Variants in TMC1 observed in about 807,000 individuals in gnomAD.
The protein encoded by TMC1 is transmembrane channel like 1.
In TMC1, 84 loss-of-function variants were observed where a neutral mutation model predicts 105.8. The observed-to-expected ratio is 0.79, with a 90% CI of 0.67 to 0.95. The LOEUF (loss-of-function observed/expected upper bound fraction) is 0.95. Ranked by LOEUF, TMC1 falls within the 40% of genes least tolerant of loss-of-function variation. The pLI is 0.00. For synonymous variants in TMC1, 315 were observed against 311.5 expected, an observed-to-expected ratio of 1.01 and a Z score of -0.12; for missense variants, 817 against 914.1, an observed-to-expected ratio of 0.89 and a Z score of 1.37.
At chr9:72,640,120 T>C (rs1050149273) in intron 4 of TMC1, among the ~76,000 whole-genome samples, 1 of 152,238 alleles carries the variant, frequency 6.6e-6, no homozygotes, top group South Asian at 2.1e-4. Context: ...GGTAATGTCT[T>C]TGTGACTGTC....
intron 2 of TMC1, among the ~76,000 whole-genome samples, chr9:72,583,251 C>T (rs1824501363): frequency 6.6e-6 from 1 of 151,742 alleles, no homozygotes. Context: ...AAAAACAACC[C>T]CTTCCCCTCC....
At chr9:72,623,462 T>G (rs1825292558) in intron 3 of TMC1, among the ~76,000 whole-genome samples, 1 of 152,150 alleles carries the variant, frequency 6.6e-6, no homozygotes, top group Non-Finnish European at 1.5e-5. Flanking sequence ...AATTTCAGCT[T>G]CCAGGTCAGT....
At chr9:72,742,359 G>A in intron 9 of TMC1, 85 bp from the exon 10 acceptor site, 1 of 1,023,914 alleles carries the variant, frequency 9.8e-7, no homozygotes, top group African/African-American at 1.6e-5. Flanking sequence ...CAAGCTTACT[G>A]CATTGTAATG....
At chr9:72,550,900 G>C (rs12349456) in intron 1 of TMC1, among the ~76,000 whole-genome samples, 10,786 of 152,194 alleles carry the variant, frequency 0.071, 452 homozygotes, top group Middle Eastern at 0.099. Flanking sequence ...TGGATTATCT[G>C]TGTGGGTTTA....
intron 20 of TMC1, among the ~76,000 whole-genome samples, chr9:72,825,781 T>C (rs372132988): frequency 3.9e-5 from 6 of 152,180 alleles, no homozygotes; most frequent in Non-Finnish European, 8.8e-5. Context: ...TATAATCTTA[T>C]ATTGCTTGTA....
intron 2 of TMC1, among the ~76,000 whole-genome samples, chr9:72,587,859 C>G (rs1824579197): frequency 6.6e-6 from 1 of 151,338 alleles, no homozygotes; most frequent in Non-Finnish European, 1.5e-5. Flanking sequence ...CATCTCGGCT[C>G]ACTGCAACCT....
intron 1 of TMC1, among the ~76,000 whole-genome samples, chr9:72,543,957 T>TTC (rs1823722498): frequency 6.7e-6 from 1 of 148,276 alleles, no homozygotes; most frequent in Non-Finnish European, 1.5e-5. Flanking sequence ...TCTTTCTTTT[T>TTC]TTTTTTTTTT....
At chr9:72,654,069 T>C (rs1825851248) in intron 5 of TMC1, among the ~76,000 whole-genome samples, 1 of 152,216 alleles carries the variant, frequency 6.6e-6, no homozygotes, top group South Asian at 2.1e-4. Context: ...TATTTGGGGC[T>C]GTTATGAATA....
chr9:72,796,493 A>T (rs938215094), intron 17 of TMC1, among the ~76,000 whole-genome samples: 5 of 152,192 alleles, frequency 3.3e-5, no homozygotes, highest in African/African-American at 1.2e-4. Flanking sequence ...TGCAAACCGA[A>T]TTCAGCAGCA....
intron 13 of TMC1, among the ~76,000 whole-genome samples, chr9:72,781,058 A>G (rs1828087467): frequency 6.6e-6 from 1 of 152,230 alleles, no homozygotes; most frequent in Non-Finnish European, 1.5e-5. Flanking sequence ...AATCAACCAC[A>G]TGCTCACTCA....
chr9:72,668,229 A>G (rs886978883), intron 5 of TMC1, among the ~76,000 whole-genome samples: 2 of 152,160 alleles, frequency 1.3e-5, no homozygotes, highest in Non-Finnish European at 2.9e-5. Context: ...CATTCCTATG[A>G]TGTTATTTGT....
At chr9:72,798,968 T>C (rs1828422350) in intron 17 of TMC1, among the ~76,000 whole-genome samples, 4 of 152,260 alleles carry the variant, frequency 2.6e-5, no homozygotes, top group African/African-American at 9.6e-5. Context: ...ATGATGATTT[T>C]GTAAATAACC....
intron 2 of TMC1, among the ~76,000 whole-genome samples, chr9:72,589,312 A>G (rs575728180): frequency 2.0e-5 from 3 of 152,360 alleles, no homozygotes; most frequent in Admixed American, 6.5e-5. Flanking sequence ...AATGTCTATT[A>G]AATACATTGT....
At chr9:72,807,135 C>A (rs1232040255) in intron 18 of TMC1, among the ~76,000 whole-genome samples, 1 of 152,150 alleles carries the variant, frequency 6.6e-6, no homozygotes, top group Non-Finnish European at 1.5e-5. Flanking sequence ...AGCCTGCAAT[C>A]GCAGGCACTC....
rs2117867625 is a variant in TMC1, at chr9:72,700,636, G to A, written c.355G>A (p.Val119Ile). Residue 119 changes from valine to isoleucine, a missense_variant, in exon 8 of 24, where the codon GTT (valine) becomes ATT (isoleucine). Transcript: ENST00000297784. ...ATGGAAGATGGAGAAGAAAATTGAAGTTCTCAAGTATGGTGCCACTTTTTA... is the reference window on the plus strand; with the variant it reads ...ATGGAAGATGGAGAAGAAAATTGAAATTCTCAAGTATGGTGCCACTTTTTA... ...KPWKMEKKIE[V>I]LKEAKKFVSE... The A allele has an allele frequency of 6.3e-7, 1 of 1,590,606 alleles. No individual in the cohort carries two copies.
At chr9:72,564,372 C>G (rs1824111042) in intron 1 of TMC1, among the ~76,000 whole-genome samples, 1 of 152,180 alleles carries the variant, frequency 6.6e-6, no homozygotes, top group Admixed American at 6.5e-5. Flanking sequence ...TCTAATATTA[C>G]TTGAAACTTT....
At chr9:72,721,461 A>G (rs1827024880) in intron 8 of TMC1, among the ~76,000 whole-genome samples, 1 of 152,198 alleles carries the variant, frequency 6.6e-6, no homozygotes. Context: ...GCCTTGAGTT[A>G]CTTTTCACCT....
At position 72,792,172 on chromosome 9, in the gene TMC1, C is replaced by A. The variant is rs1249049210; in HGVS notation, c.1405-19C>A. The A allele has an allele frequency of 5.0e-6, 8 of 1,613,950 alleles. No homozygotes were observed. Among genetic ancestry groups the A allele is most frequent in the South Asian group, 1.1e-5 (1 of 91,086 alleles). ...ATCTCTGTTGTCTTCATTTTAGTTT[C>A]TATCTCTTTGCTTTCTAGATTGAAG... On this transcript the variant is annotated intron_variant, in intron 16 of 23. Coordinates refer to ENST00000297784, the MANE Select transcript of TMC1 (RefSeq NM_138691.3).
rs777217789 is a variant in TMC1, at chr9:72,694,557, G to A, written c.79G>A (p.Glu27Lys). 1 of 1,612,594 alleles carries A rather than the reference G, an allele frequency of 6.2e-7. No homozygotes were observed. The highest frequency in any genetic ancestry group is 1.1e-5 in the South Asian group (1 of 90,988). The change falls in exon 7 of 24, where the codon GAG becomes AAG. Residue 27 changes from glutamate (E) to lysine (K), a missense_variant. Coordinates refer to ENST00000297784, the MANE Select transcript of TMC1 (RefSeq NM_138691.3). ...TEESSSEEEE[E>K]VEDKLPRRES... is the part of the protein sequence containing the mutation. ...GCTATGTTTAGGTGAAGAGGAAGAGGAGGTGGAAGATAAGCTACCTCGAAG... is the reference window on the plus strand; with the variant it reads ...GCTATGTTTAGGTGAAGAGGAAGAGAAGGTGGAAGATAAGCTACCTCGAAG...
Sources: gnomAD v4.1 joint callset for allele counts (sites outside exome capture counted in the v4.1 genomes callset) on GRCh38, gnomAD v4.1.1 for gene constraint, MANE v1.5 for transcripts, NCBI Gene and HGNC (gene_info 2026-07-23, HGNC 2026-07-21) for gene names.